The following RYR1 variants were observed in gnomAD, a reference collection of about 807,000 sequenced individuals.
The protein encoded by RYR1 is central core disease of muscle.
In RYR1, 342 loss-of-function variants were observed where a neutral mutation model predicts 583.5. That is an observed-to-expected ratio of 0.59 (90% CI 0.54 to 0.64). The LOEUF is 0.64. Ranked by LOEUF, RYR1 falls within the 30% of genes least tolerant of loss-of-function variation. RYR1 has a pLI of 0.00. For synonymous variants in RYR1, 2,791 were observed against 2,822.5 expected, an observed-to-expected ratio of 0.99 and a Z score of 0.35; for missense variants, 6,032 against 6,917.2, an observed-to-expected ratio of 0.87 and a Z score of 4.54.
rs1973738282 is a variant in RYR1 at position 38,572,057 on chromosome 19, C to T, written c.13785C>T (p.Gly4595=). ...DSPPGEDDME[G]SAAGDVSGAG... The stretch of plus-strand genomic sequence containing the variant: ...CACCAGGGGAGGACGACATGGAAGG[C>T]TCAGCTGCTGGGGATGTGTCAGGTG... Residue 4595 remains glycine, a synonymous_variant, in exon 95 of 106, where the codon GGC becomes GGT. Coordinates refer to ENST00000359596, the MANE Select transcript of RYR1 (RefSeq NM_000540.3). 6.2e-7 allele frequency: 1 copy of T among 1,614,138 alleles called. No homozygotes were observed. The highest frequency in any genetic ancestry group is 8.5e-7 in the Non-Finnish European group (1 of 1,180,034).
rs200422653 is a variant in RYR1 at position 38,543,710 on chromosome 19, C to T, written c.11907+50C>T. ...AGTGGGAAGGGAGGGGGTCCCGCAT[C>T]GTGATCCCTGATCCCTTCTCGGGGA... On this transcript the variant is annotated intron_variant, in intron 86 of 105. Transcript: ENST00000359596. This position sits in a 1 kb window ranked among gnomAD's most constrained non-coding sequence, Gnocchi z 4.4. 5.0e-4 allele frequency: 810 copies of T among 1,611,558 alleles called. 3 individuals carry two copies. The African/African-American group carries it at 0.01, about 20-fold the overall frequency.
intron 84 of RYR1, 87 bp downstream of exon 84, chr19:38,538,047 C>A (rs1019390241): frequency 8.0e-7 from 1 of 1,247,136 alleles, no homozygotes; most frequent in South Asian, 1.2e-5. Flanking sequence ...CGCCCCTCCT[C>A]CTCCCCCGGT....
chr19:38,494,658 A>G (rs1600802534), intron 39 of RYR1, 33 bp downstream of exon 39: 4 of 1,612,982 alleles, frequency 2.5e-6, no homozygotes, highest in Admixed American at 1.7e-5. Flanking sequence ...TACTTTGCAT[A>G]TCCCCTTGGG....
intron 38 of RYR1, among the ~76,000 whole-genome samples, chr19:38,493,509 CTTTTTCG>C (rs1969651757): frequency 6.2e-5 from 9 of 145,398 alleles, no homozygotes; most frequent in Admixed American, 4.1e-4. Context: ...TTTTCTTTTT[CTTTTTCG>C]TTTTTTTTTT....
intron 21 of RYR1, 72 bp from the exon 22 acceptor site, chr19:38,463,675 G>A (rs1387457376): frequency 7.9e-6 from 12 of 1,511,460 alleles, no homozygotes; most frequent in Non-Finnish European, 1.1e-5. Flanking sequence ...GGAGGTCAGG[G>A]GTCATAGTCT....
At chr19:38,449,631 A>G (rs1183432852) in intron 11 of RYR1, among the ~76,000 whole-genome samples, 1 of 152,250 alleles carries the variant, frequency 6.6e-6, no homozygotes, top group East Asian at 1.9e-4. Context: ...CTGCCCTCCC[A>G]GTGCTCAGAA....
rs552725260 is a variant in RYR1, at chr19:38,528,710, G to T, written c.11034+15G>T. On this transcript the variant is annotated intron_variant, in intron 75 of 105. Coordinates refer to ENST00000359596, the MANE Select transcript of RYR1 (RefSeq NM_000540.3). ...ATGACCTTTCAGTGAGCTGGGACCC[G>T]CCTGGGGGAGTGGGGGGCGAGCTGG... The T allele has an allele frequency of 6.2e-7, 1 of 1,613,192 alleles. No homozygotes were observed. The highest frequency in any genetic ancestry group is 8.5e-7 in the Non-Finnish European group (1 of 1,179,298).
chr19:38,529,118 A>T, intron 76 of RYR1, 61 bp downstream of exon 76: 3 of 1,555,976 alleles, frequency 1.9e-6, no homozygotes, highest in Non-Finnish European at 2.7e-6. Context: ...CCCCCAGCCC[A>T]GCAGCTTCCC....
intron 17 of RYR1, 25 bp from the exon 18 acceptor site, chr19:38,458,026 C>G (rs770248796): frequency 6.2e-7 from 1 of 1,612,116 alleles, no homozygotes; most frequent in Non-Finnish European, 8.5e-7. Context: ...CGTCATCCCC[C>G]TCTCCTGTCC....
At position 38,587,426 on chromosome 19, in the gene RYR1, C is replaced by G. The variant is rs1375923311; in HGVS notation, c.*6C>G. ...ATGAGGACCAGCTTAGCTGACACAC[C>G]CCCAGCTGGCCCTCCACCCCCACCT... On this transcript the variant is annotated 3_prime_UTR_variant, in exon 106 of 106. Coordinates refer to ENST00000359596, the MANE Select transcript of RYR1 (RefSeq NM_000540.3). 1.2e-6 allele frequency: 2 copies of G among 1,608,704 alleles called. No individual in the cohort carries two copies. Among genetic ancestry groups the G allele is most frequent in the Non-Finnish European group, 1.7e-6 (2 of 1,175,416 alleles).
chr19:38,572,015 T>C lies in RYR1; in HGVS notation c.13747-4T>C. 6.2e-7 allele frequency: 1 copy of C among 1,613,902 alleles called. No homozygotes were observed. The highest frequency in any genetic ancestry group is 1.1e-5 in the South Asian group (1 of 91,080). On this transcript the variant is annotated splice_polypyrimidine_tract_variant and splice_region_variant and intron_variant, in intron 94 of 105. Transcript: ENST00000359596. ...CCACAGATGAATCTCTGTCCCCATT[T>C]CAGGTCTCAGACTCTCCACCAGGGG...
chr19:38,464,276 C>G (rs1967963054), intron 22 of RYR1, among the ~76,000 whole-genome samples: 1 of 38,796 alleles, frequency 2.6e-5, no homozygotes, highest in Non-Finnish European at 4.5e-5. Flanking sequence ...GACACCGTTT[C>G]AGAAAAAAAA....
chr19:38,566,774 C>A, intron 91 of RYR1, 137 bp from the exon 92 acceptor site: 2 of 1,486,626 alleles, frequency 1.3e-6, no homozygotes, highest in Non-Finnish European at 1.8e-6. Flanking sequence ...TCATAATCTG[C>A]CTCTTTCTGG....
At chr19:38,553,529 A>T (rs1972755732) in intron 89 of RYR1, among the ~76,000 whole-genome samples, 1 of 151,638 alleles carries the variant, frequency 6.6e-6, no homozygotes, top group Non-Finnish European at 1.5e-5. Context: ...GTGCACCTGT[A>T]GTCCCAGCTC....
At chr19:38,552,681 A>C (rs1052459034) in intron 89 of RYR1, among the ~76,000 whole-genome samples, 54 of 152,344 alleles carry the variant, frequency 3.5e-4, no homozygotes, top group African/African-American at 1.3e-3. Flanking sequence ...CTGGCCTCAG[A>C]GTACACTGCC....
intron 89 of RYR1, among the ~76,000 whole-genome samples, chr19:38,551,294 G>C (rs1394601383): frequency 1.3e-5 from 2 of 151,360 alleles, no homozygotes; most frequent in African/African-American, 4.9e-5. Context: ...TGATGGTCAG[G>C]CTGGTTTCAA....
At position 38,544,256 on chromosome 19, in the gene RYR1, T is replaced by C. The variant is rs142399278; in HGVS notation, c.12012+381T>C. Among the ~76,000 whole-genome samples, 390 of 152,294 alleles carry C rather than the reference T, an allele frequency of 2.6e-3. 1 individual carries two copies. Among genetic ancestry groups the C allele is most frequent in the African/African-American group, 7.7e-3 (322 of 41,554 alleles). ...AGATTAGAGCCTGGGGCTGAGGAAATGTTTTGCTTCTTTATCTTACTTGCG... is the reference window on the plus strand; with the variant it reads ...AGATTAGAGCCTGGGGCTGAGGAAACGTTTTGCTTCTTTATCTTACTTGCG... On this transcript the variant is annotated intron_variant, in intron 87 of 105. Coordinates refer to ENST00000359596, the MANE Select transcript of RYR1 (RefSeq NM_000540.3).
intron 7 of RYR1, among the ~76,000 whole-genome samples, chr19:38,445,266 A>G (rs1157944441): frequency 2.6e-5 from 4 of 151,276 alleles, no homozygotes; most frequent in African/African-American, 9.7e-5. Flanking sequence ...TCCTTAGACA[A>G]TAAGCATAGA....
In RYR1 at chr19:38,455,652, C is replaced by T; in HGVS notation, c.1692C>T (p.Tyr564=). 1.2e-6 allele frequency: 2 copies of T among 1,613,664 alleles called. No homozygotes were observed. The highest frequency in any genetic ancestry group is 2.2e-5 in the South Asian group (2 of 91,076). Reference sequence around the variant, plus strand: ...TGGCAGGCATCCTGGAGGTCCTGTACTGTGTCCTCATTGAGAGTCCAGAGG... The same window carrying T: ...TGGCAGGCATCCTGGAGGTCCTGTATTGTGTCCTCATTGAGAGTCCAGAGG... ...EASSGILEVL[Y]CVLIESPEVL... is the part of the protein sequence containing the mutation. Residue 564 remains tyrosine (Y), a synonymous_variant, in exon 16 of 106, where the codon TAC becomes TAT. Transcript: ENST00000359596.
Sources: gnomAD v4.1 joint callset for allele counts (sites outside exome capture counted in the v4.1 genomes callset) on GRCh38, gnomAD v4.1.1 for gene constraint, Gnocchi (gnomAD v3.1) non-coding constraint, MANE v1.5 for transcripts, NCBI Gene and HGNC (gene_info 2026-07-23, HGNC 2026-07-21) for gene names.